ZMYND8: variants seen among roughly 807,000 people sequenced by gnomAD.
ZMYND8 encodes the protein zinc finger MYND-type containing 8, also known as MYND-type zinc finger-containing chromatin reader ZMYND8.
A neutral mutation model predicts 140.8 loss-of-function variants in ZMYND8; 37 were observed. That is an observed-to-expected ratio of 0.26 (90% CI 0.20 to 0.35). The LOEUF is 0.35. ZMYND8 is among the 10% of genes least tolerant of loss of function. The probability of loss-of-function intolerance (pLI) is 1.00; values close to 1 mark genes in which losing one functional copy is unlikely to be tolerated. For synonymous variants in ZMYND8, 592 were observed against 597.1 expected, an observed-to-expected ratio of 0.99 and a Z score of 0.12; for missense variants, 1,068 against 1,570.0, an observed-to-expected ratio of 0.68 and a Z score of 5.40.
chr20:47,272,152 A>G (rs1284336496), intron 11 of ZMYND8, among the ~76,000 whole-genome samples: 1 of 151,414 alleles, frequency 6.6e-6, no homozygotes, highest in Non-Finnish European at 1.5e-5. Context: ...ATCTCGGCTC[A>G]CTGCAAGCTC....
intron 12 of ZMYND8, 44 bp from the exon 13 acceptor site, chr20:47,249,483 T>G: frequency 6.3e-7 from 1 of 1,590,114 alleles, no homozygotes; most frequent in South Asian, 1.1e-5. Context: ...GCACACACCA[T>G]CCTCATCACG....
chr20:47,278,264 T>G (rs1349381937), intron 10 of ZMYND8, among the ~76,000 whole-genome samples: 1 of 152,208 alleles, frequency 6.6e-6, no homozygotes, highest in Non-Finnish European at 1.5e-5. Context: ...ATTATAGGTG[T>G]GAGCCGCTGC....
intron 12 of ZMYND8, among the ~76,000 whole-genome samples, chr20:47,261,370 C>A (rs976137352): frequency 6.6e-6 from 1 of 151,866 alleles, no homozygotes; most frequent in Non-Finnish European, 1.5e-5. Context: ...GACCCAATCA[C>A]TACAAAAAAT....
At position 47,211,184 on chromosome 20, in the gene ZMYND8, T is replaced by C. The variant is rs544253025; in HGVS notation, c.3569-287A>G. Among the ~76,000 whole-genome samples, 5 of 152,284 alleles carry C rather than the reference T, an allele frequency of 3.3e-5. No individual in the cohort carries two copies. The East Asian group carries it at 5.8e-4, about 18-fold the overall frequency. On this transcript the variant is annotated intron_variant, in intron 22 of 22. Transcript: ENST00000471951. ...AGGTGCTGAACTGCCAAGGAAGGCA[T>C]TTCTTGTGCCGTGTCTGGAACCGTG...
At chr20:47,330,580 T>A (rs2080858563) in intron 2 of ZMYND8, among the ~76,000 whole-genome samples, 1 of 152,002 alleles carries the variant, frequency 6.6e-6, no homozygotes, top group Admixed American at 6.6e-5. Context: ...AGGCGCCCAT[T>A]AGAAGTTATA....
intron 10 of ZMYND8, 22 bp downstream of exon 10, chr20:47,282,080 C>T (rs763527664): frequency 1.8e-5 from 28 of 1,599,854 alleles, no homozygotes; most frequent in South Asian, 2.2e-5. Flanking sequence ...CTACATGTTC[C>T]AAGCCTGTTA....
chr20:47,274,844 A>C (rs1013079483), intron 11 of ZMYND8, among the ~76,000 whole-genome samples: 10 of 152,220 alleles, frequency 6.6e-5, no homozygotes, highest in African/African-American at 2.4e-4. Context: ...AAAAGAAAAA[A>C]AATTTCCCAA....
intron 3 of ZMYND8, 95 bp downstream of exon 3, chr20:47,309,961 C>T: frequency 6.5e-7 from 1 of 1,548,786 alleles, no homozygotes; most frequent in Non-Finnish European, 8.8e-7. Flanking sequence ...TAACTAAATC[C>T]AAGAAAGCCG....
chr20:47,263,811 A>G (rs2075317073), intron 11 of ZMYND8, among the ~76,000 whole-genome samples: 1 of 152,162 alleles, frequency 6.6e-6, no homozygotes, highest in Non-Finnish European at 1.5e-5. Flanking sequence ...GATTAAATCA[A>G]TCATCTGAAC....
chr20:47,239,333 T>C (rs1166717992), intron 14 of ZMYND8, among the ~76,000 whole-genome samples, 195 bp from the exon 15 acceptor site: 2 of 152,156 alleles, frequency 1.3e-5, no homozygotes, highest in African/African-American at 4.8e-5. Flanking sequence ...GCGTCTTCCA[T>C]CTCCGCGAGC....
chr20:47,352,037 T>A (rs2082825296), intron 1 of ZMYND8: 2 of 982,278 alleles, frequency 2.0e-6, no homozygotes, highest in African/African-American at 1.7e-5. Flanking sequence ...GGCTCTGTGA[T>A]GAGGCCCCCT....
intron 12 of ZMYND8, among the ~76,000 whole-genome samples, chr20:47,256,781 C>T (rs948414526): frequency 6.6e-6 from 1 of 152,100 alleles, no homozygotes; most frequent in Admixed American, 6.6e-5. Flanking sequence ...CAAGATACCG[C>T]TTTATGCACA....
At chr20:47,219,318 A>C (rs2146896925) in intron 21 of ZMYND8, among the ~76,000 whole-genome samples, 1 of 151,618 alleles carries the variant, frequency 6.6e-6, no homozygotes, top group South Asian at 2.1e-4. Flanking sequence ...AGCCTCCCAA[A>C]GTGCTGGGAT....
chr20:47,269,635 C>T (rs1427397288), intron 11 of ZMYND8, among the ~76,000 whole-genome samples: 4 of 152,174 alleles, frequency 2.6e-5, no homozygotes, highest in African/African-American at 7.2e-5. Context: ...TCCTGGCCTG[C>T]GTGAAGGGTT....
Position 47,251,623 on chromosome 20 carries a change from T to C in ZMYND8, c.1622-2184A>G, listed in dbSNP as rs187259505. 1.1e-3 allele frequency among the ~76,000 whole-genome samples: 165 copies of C among 151,984 alleles called. 1 individual carries two copies. Among genetic ancestry groups the C allele is most frequent in the African/African-American group, 3.9e-3 (162 of 41,436 alleles). ...TTTACTGGACAAAGAACTAGAAAACTCTTTATACCCGTCTCTGTCCGGCAA... is the reference window on the plus strand; with the variant it reads ...TTTACTGGACAAAGAACTAGAAAACCCTTTATACCCGTCTCTGTCCGGCAA... On this transcript the variant is annotated intron_variant, in intron 12 of 22. Coordinates refer to ENST00000471951, the MANE Select transcript of ZMYND8 (RefSeq NM_001281775.3).
Position 47,210,625 on chromosome 20 carries a change from G to A in ZMYND8, c.*136C>T, listed in dbSNP as rs2035106239. On this transcript the variant is annotated 3_prime_UTR_variant, in exon 23 of 23. Coordinates refer to ENST00000471951, the MANE Select transcript of ZMYND8 (RefSeq NM_001281775.3). ...CTGTAGTGTAGCAGCCCCCGCGCCG[G>A]GGGCTCAGGCTCAACTGAGGGTTTT... 2.7e-6 allele frequency: 4 copies of A among 1,458,432 alleles called. No homozygotes were observed. In the African/African-American group the frequency reaches 5.6e-5, roughly 20 times the overall value. The allele number at this position is 1,458,432 out of a possible 1,614,324, so 90.3% of individuals were successfully genotyped here.
chr20:47,314,346 A>G (rs2079201046), intron 2 of ZMYND8, among the ~76,000 whole-genome samples: 1 of 152,120 alleles, frequency 6.6e-6, no homozygotes, highest in South Asian at 2.1e-4. Flanking sequence ...TAAAAATACA[A>G]AAATCAGCCA....
chr20:47,302,102 T>G (rs2078095370), intron 3 of ZMYND8, among the ~76,000 whole-genome samples: 1 of 152,238 alleles, frequency 6.6e-6, no homozygotes, highest in South Asian at 2.1e-4. Flanking sequence ...CTTTCCTTTA[T>G]ACATTACCCA....
At chr20:47,351,985 A>G in intron 1 of ZMYND8, 1 of 985,416 alleles carries the variant, frequency 1.0e-6, no homozygotes, top group African/African-American at 1.7e-5. Context: ...ACAGGTTCCT[A>G]AGGAAAAGCC....
Sources: gnomAD v4.1 joint callset for allele counts (sites outside exome capture counted in the v4.1 genomes callset) on GRCh38, gnomAD v4.1.1 for gene constraint, MANE v1.5 for transcripts, NCBI Gene and HGNC (gene_info 2026-07-23, HGNC 2026-07-21) for gene names.